SERPINA12: variants seen among roughly 807,000 people sequenced by gnomAD.
The protein encoded by SERPINA12 is serpin family A member 12, also known as serpin A12.
Under a neutral mutation model 25.9 loss-of-function variants are expected in SERPINA12, and 21 were observed. The observed-to-expected ratio is 0.81, with a 90% confidence interval of 0.58 to 1.17. SERPINA12 has a LOEUF of 1.17. SERPINA12 is among the 50% of genes most tolerant of loss of function. The probability of loss-of-function intolerance (pLI) is 0.00; values close to 1 mark genes in which losing one functional copy is unlikely to be tolerated. For missense variants in SERPINA12, 562 were observed against 508.3 expected (o/e 1.11, Z -1.02); for synonymous variants, 220 against 196.0 (o/e 1.12, Z -1.02).
intron 1 of SERPINA12, chr14:94,500,780 T>C: frequency 2.3e-6 from 2 of 863,352 alleles, no homozygotes; most frequent in South Asian, 1.1e-4. Flanking sequence ...TGGAAAAAGC[T>C]GAACCCAGAG....
intron 1 of SERPINA12, among the ~76,000 whole-genome samples, chr14:94,506,081 C>T (rs1219274248): frequency 6.6e-6 from 1 of 152,154 alleles, no homozygotes; most frequent in Non-Finnish European, 1.5e-5. Context: ...GATTCAGGTC[C>T]CATGGATTTG....
At chr14:94,505,018 A>G (rs1367191932) in intron 1 of SERPINA12, among the ~76,000 whole-genome samples, 2 of 152,252 alleles carry the variant, frequency 1.3e-5, no homozygotes, top group Non-Finnish European at 2.9e-5. Flanking sequence ...CAATAAGCTC[A>G]ACATGCCTAT....
intron 2 of SERPINA12, among the ~76,000 whole-genome samples, chr14:94,514,756 C>T (rs2139868756): frequency 6.6e-6 from 1 of 152,204 alleles, no homozygotes; most frequent in Admixed American, 6.5e-5. Context: ...CAGTTGGTGG[C>T]CAGAGGTAGG....
chr14:94,513,098 G>A (rs1017440985), upstream of SERPINA12, among the ~76,000 whole-genome samples: 1 of 152,224 alleles, frequency 6.6e-6, no homozygotes, highest in African/African-American at 2.4e-5. Flanking sequence ...TGGAAGAAGG[G>A]AAGTTTCCCT....
At chr14:94,495,262 G>A (rs1217618966) in intron 3 of SERPINA12, among the ~76,000 whole-genome samples, 1 of 151,420 alleles carries the variant, frequency 6.6e-6, no homozygotes, top group African/African-American at 2.4e-5. Context: ...TAGAGACAGG[G>A]TTTCACCGTT....
chr14:94,508,399 A>C (rs868161849), intron 1 of SERPINA12, among the ~76,000 whole-genome samples: 2 of 59,158 alleles, frequency 3.4e-5, no homozygotes, highest in East Asian at 7.0e-4. Flanking sequence ...TAGAAAATTT[A>C]GAAAATTTTT....
chr14:94,509,711 C>G (rs1397978906), upstream of SERPINA12, among the ~76,000 whole-genome samples: 1 of 152,186 alleles, frequency 6.6e-6, no homozygotes, highest in Non-Finnish European at 1.5e-5. Flanking sequence ...CTAGGTACAC[C>G]CAAGGTGCTC....
upstream of SERPINA12, chr14:94,511,559 T>C: frequency 3.0e-6 from 3 of 985,422 alleles, no homozygotes; most frequent in Non-Finnish European, 3.6e-6. Flanking sequence ...ATTTGTCGGG[T>C]TGGTTCGTGC....
chr14:94,503,302 G>A (rs565794130), intron 1 of SERPINA12: 1 of 985,270 alleles, frequency 1.0e-6, no homozygotes, highest in African/African-American at 1.7e-5. Context: ...GGAAAACAAA[G>A]AGTGGAGAAC....
intron 1 of SERPINA12, among the ~76,000 whole-genome samples, chr14:94,500,283 T>C (rs57482184): frequency 0.35 from 52,871 of 151,984 alleles, 11,592 homozygotes; most frequent in African/African-American, 0.63. Context: ...ATAGATCCTC[T>C]TCTTCTTTCT....
Position 94,516,612 on chromosome 14 carries a change from C to T in SERPINA12, c.-352-458G>A, listed in dbSNP as rs59648558. On this transcript the variant is annotated intron_variant, in intron 1 of 5. Coordinates refer to the SERPINA12 transcript ENST00000341228. Reference sequence around the variant, plus strand: ...TTCCAAACCAGAAATACCTTTCTCTCGTAGCCAACTCTTACCTGGAACCAC... The same window carrying T: ...TTCCAAACCAGAAATACCTTTCTCTTGTAGCCAACTCTTACCTGGAACCAC... Among the ~76,000 whole-genome samples, 933 of 152,312 alleles carry T rather than the reference C, an allele frequency of 6.1e-3. 4 individuals carry two copies. The highest frequency in any genetic ancestry group is 0.021 in the African/African-American group (871 of 41,542).
chr14:94,517,286 G>A (rs2402475), intron 1 of SERPINA12: 142,220 of 152,406 alleles, frequency 0.93, 67,101 homozygotes, highest in Middle Eastern at 0.99. Context: ...TGCCAGCAGC[G>A]TCTTCTCGCT....
chr14:94,505,173 T>C (rs1324287637), intron 1 of SERPINA12, among the ~76,000 whole-genome samples: 1 of 152,242 alleles, frequency 6.6e-6, no homozygotes, highest in African/African-American at 2.4e-5. Context: ...TTGTTTTCCC[T>C]TCCTTTGGGT....
At chr14:94,505,270 CT>C (rs2139861047) in intron 1 of SERPINA12, among the ~76,000 whole-genome samples, 1 of 152,304 alleles carries the variant, frequency 6.6e-6, no homozygotes, top group South Asian at 2.1e-4. Flanking sequence ...AGAGGAGACA[CT>C]AGTTCATTCC....
intron 4 of SERPINA12, among the ~76,000 whole-genome samples, chr14:94,489,262 AAGAG>A (rs1239729314): frequency 2.6e-5 from 4 of 151,900 alleles, no homozygotes; most frequent in Non-Finnish European, 5.9e-5. Context: ...GAGAGAAAGA[AAGAG>A]AAAGAAAGAA....
intron 1 of SERPINA12, among the ~76,000 whole-genome samples, chr14:94,501,620 C>T (rs918373059): frequency 2.2e-5 from 3 of 135,818 alleles, no homozygotes; most frequent in African/African-American, 7.6e-5. Context: ...TTGGTTTCTT[C>T]CCCCATGAGA....
At chr14:94,506,522 G>C (rs1900937629) in intron 1 of SERPINA12, among the ~76,000 whole-genome samples, 1 of 152,218 alleles carries the variant, frequency 6.6e-6, no homozygotes, top group African/African-American at 2.4e-5. Flanking sequence ...TTCTCTAGGA[G>C]AAAACTGAGA....
chr14:94,497,374 G>T (rs1900477850), intron 2 of SERPINA12, among the ~76,000 whole-genome samples: 1 of 152,232 alleles, frequency 6.6e-6, no homozygotes, highest in African/African-American at 2.4e-5. Flanking sequence ...CTAGGGCCAG[G>T]AGAAATGTGT....
chr14:94,496,779 C>T (rs1292851428), intron 2 of SERPINA12, 136 bp from the exon 3 acceptor site: 3 of 714,014 alleles, frequency 4.2e-6, no homozygotes, highest in Non-Finnish European at 4.6e-6. Flanking sequence ...AGTCCTTGCC[C>T]TCATGCCATG....
Sources: gnomAD v4.1 joint callset for allele counts (sites outside exome capture counted in the v4.1 genomes callset) on GRCh38, gnomAD v4.1.1 for gene constraint, MANE v1.5 for transcripts, NCBI Gene and HGNC (gene_info 2026-07-23, HGNC 2026-07-21) for gene names.